The following ZNF483 variants were observed in gnomAD, a reference collection of about 807,000 sequenced individuals.
ZNF483 encodes the protein zinc finger protein 483.
A neutral mutation model predicts 28.6 loss-of-function variants in ZNF483; 9 were observed. That is an observed-to-expected ratio of 0.32 (90% confidence interval 0.19 to 0.55). The LOEUF (loss-of-function observed/expected upper bound fraction) is 0.55, where lower values mean the gene tolerates loss of function less well. ZNF483 is among the 20% of genes least tolerant of loss of function. The pLI is 0.93. For missense variants in ZNF483, 675 were observed against 871.7 expected, an observed-to-expected ratio of 0.77 and a Z score of 2.84; for synonymous variants, 322 against 306.2, an observed-to-expected ratio of 1.05 and a Z score of -0.54.
In ZNF483 at chr9:111,543,776, C is replaced by CT. The variant is rs1443969951; in HGVS notation, c.*618dup. On this transcript the variant is annotated 3_prime_UTR_variant, in exon 6 of 6. Coordinates refer to ENST00000309235, the MANE Select transcript of ZNF483 (RefSeq NM_133464.5). Reference sequence around the variant, plus strand: ...GCTGGACTTCTTTTCTTTTTTTTTTCTTTTTTTTTTTTCAATTTTTCTTTT... The same window carrying CT: ...GCTGGACTTCTTTTCTTTTTTTTTTCTTTTTTTTTTTTTCAATTTTTCTTTT... 35,971 of 506,130 alleles carry CT rather than the reference C, an allele frequency of 0.071. 2 individuals carry two copies. The highest frequency in any genetic ancestry group is 0.08 in the Non-Finnish European group (33,279 of 415,158). 31.4% of individuals were successfully genotyped at this position (506,130 alleles called of 1,614,324 possible). A position where few individuals can be genotyped will look rare whatever the true frequency, so the allele number is the denominator to read the frequency against.
At chr9:111,560,095 C>G (rs1828230346), downstream of ZNF483, among the ~76,000 whole-genome samples, 1 of 151,280 alleles carries the variant, frequency 6.6e-6, no homozygotes, top group Admixed American at 6.6e-5. Context: ...TGCCTCATCC[C>G]AGCACTTTGG....
rs2132266679 is a variant in ZNF483, at chr9:111,545,768, C to A, written c.*2598C>A. Among the ~76,000 whole-genome samples the A allele has an allele frequency of 6.6e-6, 1 of 152,204 alleles. No individual in the cohort carries two copies. Among genetic ancestry groups the A allele is most frequent in the South Asian group, 2.1e-4 (1 of 4,828 alleles). On this transcript the variant is annotated 3_prime_UTR_variant, in exon 6 of 6. Transcript: ENST00000309235. ...TAAATAATATTACATTATGTGGATGCTTCGTGCATTCACTAGTTGAAGAAC... is the reference window on the plus strand; with the variant it reads ...TAAATAATATTACATTATGTGGATGATTCGTGCATTCACTAGTTGAAGAAC...
rs772958181 is a variant in ZNF483, at chr9:111,542,723, G to T, written c.1788G>T (p.Arg596=). 12 of 1,613,254 alleles carry T rather than the reference G, an allele frequency of 7.4e-6. No homozygotes were observed. In the Admixed American group the frequency reaches 1.8e-4, roughly 25 times the overall value. The change falls in exon 6 of 6, where the codon CGG becomes CGT. Residue 596 remains arginine (R), a synonymous_variant. Transcript: ENST00000309235. This position sits in a 1 kb window ranked among gnomAD's most constrained non-coding sequence, Gnocchi z 6.2. The part of the protein sequence containing the change: ...KAFRQNSCLT[R]HQRIHTGEKP... ...TTAGGCAGAATTCATGCCTTACCCG[G>T]CATCAGAGAATTCACACTGGAGAAA... is the stretch of plus-strand genomic sequence containing the variant.
At position 111,543,582 on chromosome 9, in the gene ZNF483, G is replaced by T. The variant is rs936598021; in HGVS notation, c.*412G>T. The T allele has an allele frequency of 3.0e-6, 3 of 989,062 alleles. No homozygotes were observed. The highest frequency in any genetic ancestry group is 3.6e-6 in the Non-Finnish European group (3 of 832,568). The allele number at this position is 989,062 out of a possible 1,614,324, so 61.3% of individuals were successfully genotyped here. On this transcript the variant is annotated 3_prime_UTR_variant, in exon 6 of 6. Transcript: ENST00000309235. ...TTTGACCTTTCAGAATTTTATTTTC[G>T]TCACCAGCAGAATGAAGGGATGGGA...
intron 5 of ZNF483, chr9:111,563,020 T>C: frequency 6.7e-7 from 1 of 1,484,064 alleles, no homozygotes; most frequent in Non-Finnish European, 8.9e-7. Flanking sequence ...TTATGAGTAC[T>C]ATTTCTTAAG....
chr9:111,532,093 G>A (rs1411213736), intron 3 of ZNF483, among the ~76,000 whole-genome samples: 1 of 152,198 alleles, frequency 6.6e-6, no homozygotes, highest in East Asian at 1.9e-4. Flanking sequence ...AGGATTGCTT[G>A]AGCCTGGGAG....
chr9:111,527,920 G>A, intron 2 of ZNF483, 113 bp downstream of exon 2: 1 of 1,578,312 alleles, frequency 6.3e-7, no homozygotes, highest in Non-Finnish European at 8.6e-7. Flanking sequence ...TTAGAAGTTG[G>A]GACTGGGTTT....
Position 111,570,234 on chromosome 9 carries a change from G to A in ZNF483, c.722-6131G>A, listed in dbSNP as rs770697369. ...CCTGTGAAGAGAAGGGCACATTTGG[G>A]TGGCAGGATCCAGGGAGGTGCCCAT... is the stretch of plus-strand genomic sequence containing the variant. On this transcript the variant is annotated intron_variant, in intron 5 of 5. Coordinates refer to the ZNF483 transcript ENST00000358151. 6 of 1,605,238 alleles carry A rather than the reference G, an allele frequency of 3.7e-6. No homozygotes were observed. The Middle Eastern group carries it at 1.1e-3, about 291-fold the overall frequency.
intron 5 of ZNF483, chr9:111,539,815 A>G (rs1203580691): frequency 6.1e-6 from 1 of 164,760 alleles, no homozygotes; most frequent in African/African-American, 2.4e-5. Context: ...TCATCATGTC[A>G]CTAATTAAAA....
rs190373160 is a variant in ZNF483, at chr9:111,574,480, C to A, written c.722-1885C>A. On this transcript the variant is annotated intron_variant, in intron 5 of 5. Transcript: ENST00000358151. ...CCTCCCACTTCAGCCTCTTGAGTAG[C>A]TGGGACTACAGGTGTACACCACCAC... The A allele has an allele frequency of 4.9e-5, 10 of 203,784 alleles. No individual in the cohort carries two copies. The East Asian group carries it at 1.1e-3, about 23-fold the overall frequency. The allele number at this position is 203,784 out of a possible 1,614,324, so 12.6% of individuals were successfully genotyped here.
intron 5 of ZNF483, chr9:111,539,541 A>C (rs1827616665): frequency 2.2e-6 from 1 of 445,984 alleles, no homozygotes; most frequent in African/African-American, 2.0e-5. Flanking sequence ...AGGCAGGTGG[A>C]TCACCTGAGG....
chr9:111,556,691 T>C (rs547377367), downstream of ZNF483, among the ~76,000 whole-genome samples: 3 of 152,204 alleles, frequency 2.0e-5, no homozygotes, highest in Non-Finnish European at 4.4e-5. Context: ...TCCCTCCTGT[T>C]GTTCTCATGA....
intron 4 of ZNF483, 99 bp from the exon 5 acceptor site, chr9:111,534,162 G>A: frequency 9.3e-7 from 1 of 1,075,626 alleles, no homozygotes; most frequent in Non-Finnish European, 1.4e-6. Context: ...TTGGTAGCAT[G>A]TTTTTATCTT....
At position 111,549,486 on chromosome 9, in the gene ZNF483, T is replaced by A. The variant is rs1564601617; in HGVS notation, c.*6316T>A. On this transcript the variant is annotated 3_prime_UTR_variant, in exon 6 of 6. Coordinates refer to ENST00000309235, the MANE Select transcript of ZNF483 (RefSeq NM_133464.5). ...TTCACCCTGAGAAATTGGTGAGGTA[T>A]CTTTCTCTCAGAGTCTTTTTTATGA... 6.6e-6 allele frequency among the ~76,000 whole-genome samples: 1 copy of A among 152,220 alleles called. No individual in the cohort carries two copies. The highest frequency in any genetic ancestry group is 1.5e-5 in the Non-Finnish European group (1 of 68,040).
chr9:111,572,252 A>G (rs943179603), intron 5 of ZNF483, among the ~76,000 whole-genome samples: 1 of 152,164 alleles, frequency 6.6e-6, no homozygotes, highest in Admixed American at 6.5e-5. Context: ...GAAGACCCAC[A>G]TCAACTATTC....
chr9:111,576,636 T>C (rs1233822703), exon 6 of ZNF483: 1 of 515,572 alleles, frequency 1.9e-6, no homozygotes, highest in East Asian at 3.1e-5. Context: ...ATGAGTTGTT[T>C]TAAGGATTTC....
intron 1 of ZNF483, among the ~76,000 whole-genome samples, chr9:111,526,126 G>A (rs1827180709): frequency 6.6e-6 from 1 of 152,150 alleles, no homozygotes; most frequent in Non-Finnish European, 1.5e-5. Flanking sequence ...AGTGCTTTGG[G>A]ATCAAGCAGA....
chr9:111,528,107 C>A, intron 2 of ZNF483: 1 of 1,240,974 alleles, frequency 8.1e-7, no homozygotes, highest in Non-Finnish European at 1.1e-6. Flanking sequence ...TCTTTCCCAT[C>A]CCCTTCAAGA....
At chr9:111,532,692 A>G (rs928014544) in intron 3 of ZNF483, among the ~76,000 whole-genome samples, 3 of 152,204 alleles carry the variant, frequency 2.0e-5, no homozygotes, top group Non-Finnish European at 4.4e-5. Flanking sequence ...ACACGTACCA[A>G]TAGCCATTTG....
Sources: gnomAD v4.1 joint callset for allele counts (sites outside exome capture counted in the v4.1 genomes callset) on GRCh38, gnomAD v4.1.1 for gene constraint, Gnocchi (gnomAD v3.1) non-coding constraint, MANE v1.5 for transcripts, NCBI Gene and HGNC (gene_info 2026-07-23, HGNC 2026-07-21) for gene names.